The following TMCC1 variants were observed in gnomAD, a reference collection of about 807,000 sequenced individuals.
TMCC1 encodes the protein transmembrane and coiled-coil domains protein 1.
TMCC1 carries 15 observed loss-of-function variants against 52.4 expected under a neutral mutation model. The observed-to-expected ratio is 0.29, with a 90% CI of 0.19 to 0.44. The LOEUF (loss-of-function observed/expected upper bound fraction) is 0.44, where lower values mean the gene tolerates loss of function less well. Ranked by LOEUF, TMCC1 falls within the 20% of genes least tolerant of loss-of-function variation. The pLI, the probability that TMCC1 is intolerant of heterozygous loss-of-function variation, is 1.00. For missense variants in TMCC1, 503 were observed against 806.0 expected, an observed-to-expected ratio of 0.62 and a Z score of 4.55; for synonymous variants, 279 against 301.9, an observed-to-expected ratio of 0.92 and a Z score of 0.79.
At chr3:129,870,166 T>C (rs1370850332) in intron 2 of TMCC1, among the ~76,000 whole-genome samples, 2 of 152,140 alleles carry the variant, frequency 1.3e-5, no homozygotes, top group Non-Finnish European at 2.9e-5. Flanking sequence ...TGTACCTATC[T>C]AGTATTCTAC....
intron 2 of TMCC1, among the ~76,000 whole-genome samples, chr3:129,840,503 C>T (rs1259251356): frequency 2.0e-5 from 3 of 152,068 alleles, no homozygotes; most frequent in African/African-American, 7.2e-5. Flanking sequence ...GATTTCAGAA[C>T]AAGAAAGATT....
At chr3:129,653,698 A>AAAATCCC (rs2086494037) in intron 6 of TMCC1, among the ~76,000 whole-genome samples, 1 of 152,004 alleles carries the variant, frequency 6.6e-6, no homozygotes. Flanking sequence ...TCGGCCTCCC[A>AAAATCCC]AAATCCCAAA....
intron 1 of TMCC1, among the ~76,000 whole-genome samples, chr3:129,889,034 A>G (rs1220321491): frequency 3.9e-5 from 6 of 152,114 alleles, no homozygotes; most frequent in African/African-American, 1.4e-4. Flanking sequence ...CACTTTAGGA[A>G]GCTGAGGAGG....
intron 4 of TMCC1, among the ~76,000 whole-genome samples, chr3:129,811,459 G>A (rs968076621): frequency 6.6e-6 from 1 of 151,666 alleles, no homozygotes; most frequent in African/African-American, 2.4e-5. Context: ...GTAGAGACAG[G>A]GGTCTCACTG....
At chr3:129,747,290 A>G (rs1182580006) in intron 4 of TMCC1, among the ~76,000 whole-genome samples, 3 of 152,136 alleles carry the variant, frequency 2.0e-5, no homozygotes, top group African/African-American at 4.8e-5. Context: ...AAAAATTCAC[A>G]CACATGCAAA....
At chr3:129,711,065 T>C (rs1466498242) in intron 4 of TMCC1, among the ~76,000 whole-genome samples, 1 of 152,168 alleles carries the variant, frequency 6.6e-6, no homozygotes, top group African/African-American at 2.4e-5. Flanking sequence ...CGTTTTACCA[T>C]GTTGGCCAGG....
chr3:129,881,405 C>A (rs2061454173), intron 1 of TMCC1, among the ~76,000 whole-genome samples: 1 of 152,036 alleles, frequency 6.6e-6, no homozygotes, highest in Non-Finnish European at 1.5e-5. Flanking sequence ...CTGCAGTCTG[C>A]CAAACAGAGC....
At chr3:129,725,469 G>A (rs894978226) in intron 4 of TMCC1, among the ~76,000 whole-genome samples, 3 of 150,954 alleles carry the variant, frequency 2.0e-5, no homozygotes, top group Admixed American at 6.6e-5. Context: ...CAATAAAAAC[G>A]AAACATAGCA....
At chr3:129,710,976 G>A (rs1455550460) in intron 4 of TMCC1, among the ~76,000 whole-genome samples, 1 of 152,200 alleles carries the variant, frequency 6.6e-6, no homozygotes, top group East Asian at 1.9e-4. Context: ...CGATTCTCCT[G>A]CCTCAGCCTC....
intron 5 of TMCC1, among the ~76,000 whole-genome samples, chr3:129,667,376 TG>T (rs1240444065): frequency 6.6e-6 from 1 of 152,140 alleles, no homozygotes; most frequent in Non-Finnish European, 1.5e-5. Flanking sequence ...AGGGAATTAT[TG>T]GAACAACAAA....
intron 3 of TMCC1, among the ~76,000 whole-genome samples, chr3:129,829,724 T>C (rs941225236): frequency 3.3e-5 from 5 of 152,142 alleles, no homozygotes; most frequent in Non-Finnish European, 2.9e-5. Context: ...GTGCTCCTGT[T>C]CTGGGAATAT....
chr3:129,772,143 A>G (rs914024956), intron 4 of TMCC1, among the ~76,000 whole-genome samples: 32 of 152,110 alleles, frequency 2.1e-4, no homozygotes, highest in African/African-American at 7.2e-4. Context: ...AGGATAGCTT[A>G]AGCCCAGGAG....
intron 4 of TMCC1, among the ~76,000 whole-genome samples, chr3:129,740,651 G>C (rs1347372610): frequency 2.0e-5 from 3 of 152,130 alleles, no homozygotes. Context: ...CCCTTTATCG[G>C]TGGGGTGAGA....
intron 4 of TMCC1, among the ~76,000 whole-genome samples, chr3:129,698,316 C>T (rs2047562524): frequency 6.6e-6 from 1 of 152,130 alleles, no homozygotes; most frequent in Non-Finnish European, 1.5e-5. Flanking sequence ...ACCATCAGAT[C>T]TCATGAGAAC....
intron 4 of TMCC1, among the ~76,000 whole-genome samples, chr3:129,712,100 C>A (rs2048744279): frequency 6.6e-6 from 1 of 151,524 alleles, no homozygotes; most frequent in Non-Finnish European, 1.5e-5. Flanking sequence ...TCACTTGAAC[C>A]CGGGAGGTGA....
At chr3:129,727,498 T>C (rs1368182790) in intron 4 of TMCC1, among the ~76,000 whole-genome samples, 2 of 152,182 alleles carry the variant, frequency 1.3e-5, no homozygotes, top group Non-Finnish European at 2.9e-5. Flanking sequence ...AAGTCTATAA[T>C]CATCAAAGCT....
chr3:129,860,361 C>T (rs767378656), intron 2 of TMCC1, among the ~76,000 whole-genome samples: 5 of 151,888 alleles, frequency 3.3e-5, no homozygotes, highest in South Asian at 2.1e-4. Context: ...TGAGCCACTG[C>T]GCCCAGCCCG....
intron 5 of TMCC1, among the ~76,000 whole-genome samples, chr3:129,660,832 T>C (rs1451263769): frequency 2.0e-5 from 3 of 152,160 alleles, no homozygotes; most frequent in Non-Finnish European, 4.4e-5. Flanking sequence ...CAGTGGTTAT[T>C]CAGAGGCATA....
At chr3:129,701,749 C>CGG (rs2047852027) in intron 4 of TMCC1, among the ~76,000 whole-genome samples, 1 of 152,096 alleles carries the variant, frequency 6.6e-6, no homozygotes, top group African/African-American at 2.4e-5. Context: ...TAGGTACTGC[C>CGG]TACCTCAATG....
Sources: gnomAD v4.1 joint callset for allele counts (sites outside exome capture counted in the v4.1 genomes callset) on GRCh38, gnomAD v4.1.1 for gene constraint, MANE v1.5 for transcripts, NCBI Gene and HGNC (gene_info 2026-07-23, HGNC 2026-07-21) for gene names.